SKI: variants seen among roughly 807,000 people sequenced by gnomAD.
SKI encodes ski oncogene.
SKI carries 23 observed loss-of-function variants against 59.3 expected under a neutral mutation model. The ratio of observed to expected loss-of-function variants is 0.39; its 90% CI spans 0.28 to 0.55. The LOEUF (loss-of-function observed/expected upper bound fraction) is 0.55. Ranked by LOEUF, SKI falls within the 20% of genes least tolerant of loss-of-function variation. SKI has a pLI of 0.67. For synonymous variants in SKI, 673 were observed against 488.6 expected (o/e 1.38, Z -4.98); for missense variants, 1,017 against 1,038.9 (o/e 0.98, Z 0.29).
intron 1 of SKI, among the ~76,000 whole-genome samples, chr1:2,278,460 C>T (rs995161662): frequency 2.0e-5 from 3 of 152,204 alleles, no homozygotes; most frequent in Non-Finnish European, 2.9e-5. Flanking sequence ...TTGGGTCTGT[C>T]CCTCCCTTCA....
chr1:2,240,924 CCT>C (rs1638857077), intron 1 of SKI: 1 of 441,520 alleles, frequency 2.3e-6, no homozygotes, highest in Non-Finnish European at 3.0e-6. Context: ...GTGTTCAGCC[CCT>C]GAGATGCCCT....
chr1:2,254,495 C>T (rs1483193582), intron 1 of SKI, among the ~76,000 whole-genome samples: 2 of 152,216 alleles, frequency 1.3e-5, no homozygotes, highest in African/African-American at 4.8e-5. Flanking sequence ...TACTGGACTG[C>T]TTTTTATTTT....
At chr1:2,290,329 G>A (rs963603595) in intron 1 of SKI, among the ~76,000 whole-genome samples, 9 of 152,190 alleles carry the variant, frequency 5.9e-5, no homozygotes, top group Non-Finnish European at 1.3e-4. Flanking sequence ...TGACTGCAGT[G>A]TGGATGTGAG....
At chr1:2,305,195 T>C (rs1180101503) in intron 5 of SKI, among the ~76,000 whole-genome samples, 4 of 152,234 alleles carry the variant, frequency 2.6e-5, no homozygotes, top group Non-Finnish European at 5.9e-5. Context: ...GTTCTCACGC[T>C]GCAGCTCCGG....
At chr1:2,248,603 C>G (rs1045370877) in intron 1 of SKI, among the ~76,000 whole-genome samples, 1 of 152,174 alleles carries the variant, frequency 6.6e-6, no homozygotes, top group Admixed American at 6.5e-5. Context: ...CGGCGCTCTG[C>G]GCTGGTTCAG....
rs1248986464 is a variant in SKI at position 2,228,965 on chromosome 1, G to A, written c.199G>A (p.Ala67Thr). 8 of 1,433,894 alleles carry A rather than the reference G, an allele frequency of 5.6e-6. No individual in the cohort carries two copies. The highest frequency in any genetic ancestry group is 5.4e-5 in the Admixed American group (2 of 36,956). The allele number at this position is 1,433,894 out of a possible 1,614,324, so 88.8% of individuals were successfully genotyped here. ...CGCGGTGCCGGCGCCGGTGCCCGCA[G>A]CCACCGAGCCGCCGCCCGTGCTGCA... is the stretch of plus-strand genomic sequence containing the variant. ...AAAVPAPVPAATEPPPVLHLP... is the reference protein window; with the variant it reads ...AAAVPAPVPATTEPPPVLHLP... The change falls in exon 1 of 7, where the codon GCC (alanine) becomes ACC (threonine). Residue 67 changes from alanine to threonine, a missense_variant. Coordinates refer to ENST00000378536, the MANE Select transcript of SKI (RefSeq NM_003036.4).
At position 2,255,292 on chromosome 1, in the gene SKI, T is replaced by C. The variant is rs1445496956; in HGVS notation, c.969+25557T>C. ...GGTGCTTGACCTCAGTCCAGCTGCT[T>C]AGACCTGTACCTGCCACAGCCCCAC... is the stretch of plus-strand genomic sequence containing the variant. On this transcript the variant is annotated intron_variant, in intron 1 of 6. Transcript: ENST00000378536. 3.9e-5 allele frequency among the ~76,000 whole-genome samples: 6 copies of C among 152,308 alleles called. No individual in the cohort carries two copies. The South Asian group carries it at 1.2e-3, about 32-fold the overall frequency.
At chr1:2,276,391 C>T (rs1420697718) in intron 1 of SKI, among the ~76,000 whole-genome samples, 1 of 152,168 alleles carries the variant, frequency 6.6e-6, no homozygotes, top group Non-Finnish European at 1.5e-5. Context: ...TGGCCTGGAC[C>T]CTCCAGGGAG....
chr1:2,306,121 C>A lies in SKI; in HGVS notation c.1869C>A (p.Asn623Lys). 6.3e-7 allele frequency: 1 copy of A among 1,598,692 alleles called. No homozygotes were observed. The highest frequency in any genetic ancestry group is 8.5e-7 in the Non-Finnish European group (1 of 1,174,000). The change falls in exon 6 of 7, where the codon AAC becomes AAA. Residue 623 changes from asparagine to lysine, a missense_variant. Physicochemically the swap from Asn to Lys is moderately conservative, Grantham distance 94 (BLOSUM62 0). Transcript: ENST00000378536. ...AGATCGAGCGTCTCCGCGCCGAGAA[C>A]GAGAAGAAGATGAAAGAGGCCAACG... ...RKEIERLRAENEKKMKEANES... is the reference protein window; with the variant it reads ...RKEIERLRAEKEKKMKEANES...
At chr1:2,249,604 G>T (rs1408396440) in intron 1 of SKI, among the ~76,000 whole-genome samples, 1 of 152,242 alleles carries the variant, frequency 6.6e-6, no homozygotes, top group Non-Finnish European at 1.5e-5. Flanking sequence ...TGGAGAGCCA[G>T]CTGAGAGATG....
intron 6 of SKI, 137 bp from the exon 7 acceptor site, chr1:2,306,440 C>T (rs1557854428): frequency 3.9e-6 from 4 of 1,038,228 alleles, no homozygotes; most frequent in East Asian, 2.6e-5. Flanking sequence ...AGCCTGTGTC[C>T]TAGCAGGTGG....
chr1:2,258,419 C>A (rs763890758), intron 1 of SKI, among the ~76,000 whole-genome samples: 2 of 150,690 alleles, frequency 1.3e-5, no homozygotes, highest in Admixed American at 6.6e-5. Context: ...ACAGCAGAGG[C>A]GTTTGAGAAT....
At chr1:2,235,550 G>A (rs1638734759) in intron 1 of SKI, among the ~76,000 whole-genome samples, 1 of 152,232 alleles carries the variant, frequency 6.6e-6, no homozygotes, top group Non-Finnish European at 1.5e-5. Flanking sequence ...TTGTGAATAT[G>A]AGAGAGTTCC....
At chr1:2,279,640 G>A (rs913076077) in intron 1 of SKI, among the ~76,000 whole-genome samples, 1 of 152,012 alleles carries the variant, frequency 6.6e-6, no homozygotes, top group African/African-American at 2.4e-5. Flanking sequence ...GAGTCGGCTT[G>A]GGGGGAGAGT....
chr1:2,249,333 C>T (rs1639069737), intron 1 of SKI, among the ~76,000 whole-genome samples: 1 of 152,230 alleles, frequency 6.6e-6, no homozygotes, highest in Non-Finnish European at 1.5e-5. Flanking sequence ...CCGGATGTTC[C>T]TAGCGTTGCC....
chr1:2,303,112 G>A lies in SKI; in HGVS notation c.1095+9G>A, dbSNP rs1373865377. 3 of 1,613,152 alleles carry A rather than the reference G, an allele frequency of 1.9e-6. No individual in the cohort carries two copies. The highest frequency in any genetic ancestry group is 1.3e-5 in the African/African-American group (1 of 75,062). ...CCGGCTCTTCCAATAAGGTGCTGTG[G>A]GGCCTGTCGGGGTCCTTGGGGTGGT... On this transcript the variant is annotated intron_variant, in intron 2 of 6. Coordinates refer to ENST00000378536, the MANE Select transcript of SKI (RefSeq NM_003036.4). The surrounding 1 kb of genome is among the most constrained non-coding windows in gnomAD (Gnocchi z 5.6).
At chr1:2,295,533 C>T (rs563056707) in intron 1 of SKI, among the ~76,000 whole-genome samples, 1 of 152,326 alleles carries the variant, frequency 6.6e-6, no homozygotes, top group Admixed American at 6.5e-5. Flanking sequence ...TGCACATGGT[C>T]CGTCACTCCC....
chr1:2,271,658 G>A (rs1639623982), intron 1 of SKI, among the ~76,000 whole-genome samples: 1 of 152,078 alleles, frequency 6.6e-6, no homozygotes, highest in Non-Finnish European at 1.5e-5. Context: ...GCCATTGCCT[G>A]GGGCCCCTTG....
At chr1:2,230,963 A>C (rs924060859) in intron 1 of SKI, among the ~76,000 whole-genome samples, 1 of 152,004 alleles carries the variant, frequency 6.6e-6, no homozygotes, top group African/African-American at 2.4e-5. Context: ...CGGAGGGTGC[A>C]TGTGTGTGTG....
Sources: gnomAD v4.1 joint callset for allele counts (sites outside exome capture counted in the v4.1 genomes callset) on GRCh38, gnomAD v4.1.1 for gene constraint, Gnocchi (gnomAD v3.1) non-coding constraint, MANE v1.5 for transcripts, NCBI Gene and HGNC (gene_info 2026-07-23, HGNC 2026-07-21) for gene names.